The following COL11A1 variants were observed in gnomAD, a reference collection of about 807,000 sequenced individuals.
COL11A1 encodes the protein collagen alpha-1(XI) chain.
In COL11A1, 74 loss-of-function variants were observed where a neutral mutation model predicts 265.2. The ratio of observed to expected loss-of-function variants is 0.28; its 90% CI spans 0.23 to 0.34. The LOEUF (loss-of-function observed/expected upper bound fraction) is 0.34. Among genes scored for constraint, COL11A1 ranks in the 10% least tolerant of loss-of-function variants. COL11A1 has a pLI of 1.00. For synonymous variants in COL11A1, 816 were observed against 727.6 expected, an observed-to-expected ratio of 1.12 and a Z score of -1.96; for missense variants, 2,165 against 2,263.6, an observed-to-expected ratio of 0.96 and a Z score of 0.88.
At chr1:102,993,642 A>C (rs985035237) in intron 28 of COL11A1, among the ~76,000 whole-genome samples, 1 of 151,628 alleles carries the variant, frequency 6.6e-6, no homozygotes, top group Non-Finnish European at 1.5e-5. Flanking sequence ...AGCTCAAGCA[A>C]CTCTCCCTCC....
rs1483186505 is a variant in COL11A1 at position 102,914,275 on chromosome 1, T to A, written c.3978+77A>T. Reference sequence around the variant, plus strand: ...GGGAGTTCACTTAGGTTATTAGATTTTTTTTTCTTTATTAACAATACAGAA... The same window carrying A: ...GGGAGTTCACTTAGGTTATTAGATTATTTTTTCTTTATTAACAATACAGAA... On this transcript the variant is annotated intron_variant, in intron 52 of 66. Coordinates refer to ENST00000370096, the MANE Select transcript of COL11A1 (RefSeq NM_001854.4). 6 of 1,162,942 alleles carry A rather than the reference T, an allele frequency of 5.2e-6. No individual in the cohort carries two copies. The East Asian group carries it at 1.2e-4, about 24-fold the overall frequency. The allele number at this position is 1,162,942 out of a possible 1,614,324, so 72.0% of individuals were successfully genotyped here.
At chr1:102,949,182 C>CTAGACTAGAATGAAAAAGGGAGAAT (rs1659623676) in intron 41 of COL11A1, among the ~76,000 whole-genome samples, 44 of 152,068 alleles carry the variant, frequency 2.9e-4, no homozygotes, top group African/African-American at 1.0e-3. Flanking sequence ...AAAATTAATA[C>CTAGACTAGAATGAAAAAGGGAGAAT]CACTAAAGAT....
In COL11A1 at chr1:103,003,175, C is replaced by T. The variant is rs751324060; in HGVS notation, c.1998+40G>A. 9 of 1,608,646 alleles carry T rather than the reference C, an allele frequency of 5.6e-6. 1 individual carries two copies. The South Asian group carries it at 9.9e-5, about 18-fold the overall frequency. ...TGGCCTCTAAAAGGTTGGCAACAAG[C>T]TTTCCCTAGAAAATCTTCAATGTTT... On this transcript the variant is annotated intron_variant, in intron 21 of 66. Coordinates refer to ENST00000370096, the MANE Select transcript of COL11A1 (RefSeq NM_001854.4).
intron 54 of COL11A1, among the ~76,000 whole-genome samples, chr1:102,905,263 A>G (rs966432828): frequency 1.7e-4 from 26 of 149,786 alleles, no homozygotes; most frequent in Non-Finnish European, 2.4e-4. Flanking sequence ...TAGGAGATAT[A>G]CCTAATGCTA....
chr1:103,035,209 G>A (rs191751753), intron 4 of COL11A1, among the ~76,000 whole-genome samples: 1 of 152,130 alleles, frequency 6.6e-6, no homozygotes, highest in East Asian at 1.9e-4. Flanking sequence ...TATCCTAGAT[G>A]ATCAGATTAA....
intron 57 of COL11A1, among the ~76,000 whole-genome samples, chr1:102,895,616 A>G (rs1652331257): frequency 6.6e-6 from 1 of 152,100 alleles, no homozygotes; most frequent in Non-Finnish European, 1.5e-5. Context: ...GCTTTCACAC[A>G]GATTAATTTC....
chr1:103,091,560 C>A (rs1039788959), intron 1 of COL11A1, among the ~76,000 whole-genome samples: 1 of 151,860 alleles, frequency 6.6e-6, no homozygotes, highest in Non-Finnish European at 1.5e-5. Flanking sequence ...ATATATGAAG[C>A]CCTTACAGTT....
intron 57 of COL11A1, among the ~76,000 whole-genome samples, chr1:102,897,439 A>AT (rs1652571461): frequency 7.9e-6 from 1 of 126,178 alleles, no homozygotes; most frequent in African/African-American, 3.2e-5. Flanking sequence ...CCATAAGAAA[A>AT]AAAAATATAT....
At position 102,934,509 on chromosome 1, in the gene COL11A1, C is replaced by T; in HGVS notation, c.3540G>A (p.Gly1180=). 1 of 1,614,114 alleles carries T rather than the reference C, an allele frequency of 6.2e-7. No individual in the cohort carries two copies. The highest frequency in any genetic ancestry group is 8.5e-7 in the Non-Finnish European group (1 of 1,180,010). ...PGPRGQQGMF[G]QKGDEGARGF... ...CTCTGGCACCCTCATCACCTTTTTGCCCAAACATCCCCTGCTGTCCTCTAG... is the reference window on the plus strand; with the variant it reads ...CTCTGGCACCCTCATCACCTTTTTGTCCAAACATCCCCTGCTGTCCTCTAG... Residue 1180 remains glycine, a synonymous_variant, in exon 46 of 67, where the codon GGG becomes GGA. Coordinates refer to ENST00000370096, the MANE Select transcript of COL11A1 (RefSeq NM_001854.4).
At chr1:102,932,901 G>A (rs1205863002) in intron 46 of COL11A1, among the ~76,000 whole-genome samples, 3 of 151,218 alleles carry the variant, frequency 2.0e-5, no homozygotes, top group Non-Finnish European at 4.4e-5. Context: ...TGAGGCTTCT[G>A]CATTCTTCAC....
intron 14 of COL11A1, among the ~76,000 whole-genome samples, chr1:103,011,160 T>C: frequency 6.6e-6 from 1 of 152,130 alleles, no homozygotes; most frequent in East Asian, 1.9e-4. Flanking sequence ...TTATTTTTAA[T>C]AAAATACCTA....
chr1:103,074,998 C>T (rs1000342537), intron 3 of COL11A1, among the ~76,000 whole-genome samples: 4 of 152,080 alleles, frequency 2.6e-5, no homozygotes, highest in Non-Finnish European at 5.9e-5. Context: ...ATAAAATGCA[C>T]AGTAGAATTA....
chr1:102,934,342 G>T (rs1657918019), intron 46 of COL11A1, 107 bp downstream of exon 46: 1 of 747,122 alleles, frequency 1.3e-6, no homozygotes, highest in Non-Finnish European at 2.4e-6. Flanking sequence ...TTGTACCCAA[G>T]TTCTTACGTA....
At chr1:102,986,087 T>TG in intron 30 of COL11A1, among the ~76,000 whole-genome samples, 1 of 152,158 alleles carries the variant, frequency 6.6e-6, no homozygotes, top group South Asian at 2.1e-4. Context: ...GATAGAACGG[T>TG]GGGGGCTTCT....
intron 46 of COL11A1, among the ~76,000 whole-genome samples, chr1:102,929,544 T>C (rs1376379015): frequency 6.6e-6 from 1 of 152,084 alleles, no homozygotes; most frequent in Non-Finnish European, 1.5e-5. Context: ...CAGCTTTGTT[T>C]TTTTGGCTTA....
chr1:103,037,268 G>T (rs1289035522), intron 4 of COL11A1, among the ~76,000 whole-genome samples: 8 of 151,454 alleles, frequency 5.3e-5, no homozygotes, highest in East Asian at 1.9e-4. Flanking sequence ...GTGTGTGTGT[G>T]TGTGTGTGTG....
chr1:102,956,066 C>T (rs1309276199), intron 41 of COL11A1, among the ~76,000 whole-genome samples: 2 of 152,176 alleles, frequency 1.3e-5, no homozygotes, highest in African/African-American at 4.8e-5. Context: ...CACGACAGAA[C>T]GTTCCTCAGT....
chr1:103,021,139 C>T (rs1054150874), intron 9 of COL11A1, among the ~76,000 whole-genome samples: 2 of 150,506 alleles, frequency 1.3e-5, no homozygotes, highest in Admixed American at 6.6e-5. Flanking sequence ...GGCAAAACCG[C>T]TTCCAAGTAA....
intron 4 of COL11A1, among the ~76,000 whole-genome samples, chr1:103,051,975 T>C (rs544501762): frequency 6.6e-6 from 1 of 152,186 alleles, no homozygotes; most frequent in African/African-American, 2.4e-5. Flanking sequence ...TTTAAACAGT[T>C]TGTATATGTA....
Sources: gnomAD v4.1 joint callset for allele counts (sites outside exome capture counted in the v4.1 genomes callset) on GRCh38, gnomAD v4.1.1 for gene constraint, MANE v1.5 for transcripts, NCBI Gene and HGNC (gene_info 2026-07-23, HGNC 2026-07-21) for gene names.